The following MTSS1 variants were observed in gnomAD, a reference collection of about 807,000 sequenced individuals.
MTSS1 encodes MTSS I-BAR domain containing 1.
Under a neutral mutation model 79.0 loss-of-function variants are expected in MTSS1, and 18 were observed. The observed-to-expected ratio is 0.23, with a 90% CI of 0.16 to 0.34. The LOEUF (loss-of-function observed/expected upper bound fraction) is 0.34. MTSS1 is among the 10% of genes least tolerant of loss of function. The pLI is 1.00. For synonymous variants in MTSS1, 341 were observed against 368.6 expected, an observed-to-expected ratio of 0.93 and a Z score of 0.86; for missense variants, 815 against 986.2, an observed-to-expected ratio of 0.83 and a Z score of 2.33.
intron 3 of MTSS1, among the ~76,000 whole-genome samples, chr8:124,604,559 A>C (rs1410823095): frequency 6.6e-6 from 1 of 152,194 alleles, no homozygotes; most frequent in Non-Finnish European, 1.5e-5. Flanking sequence ...TTTAATCTTC[A>C]AGGAAGAGAA....
At chr8:124,726,942 G>C (rs1462975953) in intron 1 of MTSS1, among the ~76,000 whole-genome samples, 1 of 152,144 alleles carries the variant, frequency 6.6e-6, no homozygotes, top group African/African-American at 2.4e-5. Flanking sequence ...CAGCCAGCTC[G>C]CGCGGCTGGT....
At chr8:124,674,026 C>G (rs1460244669) in intron 3 of MTSS1, among the ~76,000 whole-genome samples, 1 of 152,216 alleles carries the variant, frequency 6.6e-6, no homozygotes, top group African/African-American at 2.4e-5. Flanking sequence ...GGGCTCCAAA[C>G]CACATCTCAC....
intron 3 of MTSS1, among the ~76,000 whole-genome samples, chr8:124,662,293 C>T (rs928957399): frequency 2.6e-5 from 4 of 152,168 alleles, no homozygotes; most frequent in Admixed American, 2.6e-4. Context: ...TGGCATCCAA[C>T]ACAATTAGGG....
In MTSS1 at chr8:124,602,583, C is replaced by A. The variant is rs942705095; in HGVS notation, c.209-11348G>T. Among the ~76,000 whole-genome samples, 11 of 152,292 alleles carry A rather than the reference C, an allele frequency of 7.2e-5. No homozygotes were observed. In the East Asian group the frequency reaches 1.9e-3, roughly 27 times the overall value. On this transcript the variant is annotated intron_variant, in intron 3 of 13. Transcript: ENST00000518547. ...AGCCATGTGAGGCCTGCAGGTTGAA[C>A]AAGCTTGATCTAGACCAAGGGGCAA...
At chr8:124,693,161 C>A (rs1419054017) in intron 3 of MTSS1, among the ~76,000 whole-genome samples, 1 of 152,072 alleles carries the variant, frequency 6.6e-6, no homozygotes, top group Non-Finnish European at 1.5e-5. Flanking sequence ...GCCTGGAATG[C>A]ACATGTGCCA....
chr8:124,688,056 C>T (rs1177860757), intron 3 of MTSS1, among the ~76,000 whole-genome samples: 4 of 152,148 alleles, frequency 2.6e-5, no homozygotes, highest in South Asian at 2.1e-4. Context: ...CTAGCACACA[C>T]AGCAGGAAAT....
chr8:124,626,060 T>C (rs535531356), intron 3 of MTSS1, among the ~76,000 whole-genome samples: 10 of 152,164 alleles, frequency 6.6e-5, no homozygotes, highest in South Asian at 2.1e-4. Context: ...CAAACCCAAA[T>C]AGAACTCTAG....
intron 6 of MTSS1, among the ~76,000 whole-genome samples, chr8:124,583,487 A>G (rs1830381398): frequency 6.6e-6 from 1 of 152,168 alleles, no homozygotes; most frequent in African/African-American, 2.4e-5. Context: ...AAATTCTGCT[A>G]ATTGGGCAAT....
At chr8:124,610,565 G>A (rs547726129) in intron 3 of MTSS1, among the ~76,000 whole-genome samples, 1 of 152,310 alleles carries the variant, frequency 6.6e-6, no homozygotes, top group Non-Finnish European at 1.5e-5. Context: ...AAAGCTGCAT[G>A]AGACCTTAGG....
Position 124,704,211 on chromosome 8 carries a change from T to A in MTSS1, c.73-20A>T, listed in dbSNP as rs1446084595. ...GCTCCCCTGCAACACATCAAAGACA[T>A]CAGTAAGTCACACTGCGATAGACAT... On this transcript the variant is annotated intron_variant, in intron 1 of 13. Transcript: ENST00000518547. 2.5e-6 allele frequency: 4 copies of A among 1,609,566 alleles called. No individual in the cohort carries two copies. Among genetic ancestry groups the A allele is most frequent in the Non-Finnish European group, 3.4e-6 (4 of 1,176,150 alleles).
chr8:124,690,555 C>T (rs1827775042), intron 3 of MTSS1, among the ~76,000 whole-genome samples: 1 of 152,168 alleles, frequency 6.6e-6, no homozygotes, highest in Non-Finnish European at 1.5e-5. Context: ...AAGCAAAACA[C>T]GACTGAGGCA....
Position 124,727,611 on chromosome 8 carries a change from G to A in MTSS1, c.72+273C>T. 1.6e-6 allele frequency: 1 copy of A among 616,196 alleles called. No individual in the cohort carries two copies. Among genetic ancestry groups the A allele is most frequent in the Non-Finnish European group, 3.0e-6 (1 of 329,582 alleles). 38.2% of individuals were successfully genotyped at this position (616,196 alleles called of 1,614,324 possible). ...TGCAGCCAGTGCCTTGAGCCCCCGA[G>A]GGAAAGAAATGGTGCCGCCCCCTGG... is the stretch of plus-strand genomic sequence containing the variant. On this transcript the variant is annotated intron_variant, in intron 1 of 13. Transcript: ENST00000518547. The surrounding 1 kb of genome is among the most constrained non-coding windows in gnomAD (Gnocchi z 4.7).
chr8:124,720,195 A>G (rs1219190506), intron 1 of MTSS1, among the ~76,000 whole-genome samples: 1 of 152,216 alleles, frequency 6.6e-6, no homozygotes, highest in Non-Finnish European at 1.5e-5. Context: ...AACAAAAGTG[A>G]GGAGCACAGG....
At chr8:124,632,238 C>A (rs1014981719) in intron 3 of MTSS1, among the ~76,000 whole-genome samples, 2 of 146,820 alleles carry the variant, frequency 1.4e-5, no homozygotes, top group Non-Finnish European at 3.0e-5. Flanking sequence ...ATGACCATAA[C>A]CACTGCACTC....
chr8:124,595,787 T>A (rs1399361853), intron 3 of MTSS1, among the ~76,000 whole-genome samples: 1 of 152,088 alleles, frequency 6.6e-6, no homozygotes. Context: ...GTAAGAGTTG[T>A]GAATCTGGAG....
At chr8:124,600,234 G>A (rs1333436158) in intron 3 of MTSS1, among the ~76,000 whole-genome samples, 1 of 150,724 alleles carries the variant, frequency 6.6e-6, no homozygotes, top group Non-Finnish European at 1.5e-5. Context: ...TACTTAATTC[G>A]ATGGCATTTT....
At chr8:124,695,281 G>C (rs1038416280) in intron 3 of MTSS1, among the ~76,000 whole-genome samples, 3 of 151,914 alleles carry the variant, frequency 2.0e-5, no homozygotes, top group Non-Finnish European at 4.4e-5. Flanking sequence ...TTGCCCAGAA[G>C]AGATGCACTT....
intron 2 of MTSS1, among the ~76,000 whole-genome samples, chr8:124,701,625 C>T (rs116786977): frequency 9.8e-4 from 149 of 152,258 alleles, no homozygotes; most frequent in African/African-American, 3.5e-3. Context: ...AACTCAATGC[C>T]AATCATCCAA....
At chr8:124,625,758 T>C (rs73343904) in intron 3 of MTSS1, among the ~76,000 whole-genome samples, 4,697 of 152,238 alleles carry the variant, frequency 0.031, 226 homozygotes, top group African/African-American at 0.1. Flanking sequence ...TGCATCTAGT[T>C]CCTTTTATTT....
Sources: allele counts gnomAD v4.1 joint callset (sites outside exome capture counted in the v4.1 genomes callset), GRCh38; gene constraint gnomAD v4.1.1; non-coding constraint Gnocchi (gnomAD v3.1); transcripts MANE v1.5; gene names NCBI Gene and HGNC (gene_info 2026-07-23, HGNC 2026-07-21).